The following IL1RAPL2 variants were observed in gnomAD, a reference collection of about 807,000 sequenced individuals.
IL1RAPL2 encodes X-linked interleukin-1 receptor accessory protein-like 2.
IL1RAPL2 carries 3 observed loss-of-function variants against 44.1 expected under a neutral mutation model. The observed-to-expected ratio is 0.07, with a 90% CI of 0.03 to 0.18. IL1RAPL2 has a LOEUF of 0.18. IL1RAPL2 is among the 10% of genes least tolerant of loss of function. The probability of loss-of-function intolerance (pLI) is 1.00; values close to 1 mark genes in which losing one functional copy is unlikely to be tolerated. For synonymous variants in IL1RAPL2, 181 were observed against 178.8 expected (o/e 1.01, Z -0.10); for missense variants, 391 against 496.4 (o/e 0.79, Z 2.02).
chrX:105,349,233 A>G (rs766030797), intron 5 of IL1RAPL2, among the ~76,000 whole-genome samples: 119 of 111,998 alleles, frequency 1.1e-3, no homozygotes, highest in African/African-American at 3.8e-3. Context: ...AAAACTTTGC[A>G]CCAGGCTCAT....
intron 2 of IL1RAPL2, among the ~76,000 whole-genome samples, chrX:105,131,702 T>G (rs748326561): frequency 2.7e-5 from 3 of 110,865 alleles, no homozygotes; most frequent in Admixed American, 1.9e-4. Context: ...AGAAAACAAG[T>G]TAGCTATTCA....
intron 1 of IL1RAPL2, among the ~76,000 whole-genome samples, chrX:104,588,471 TTAG>T (rs1334070422): frequency 9.0e-6 from 1 of 111,602 alleles, no homozygotes; most frequent in African/African-American, 3.3e-5. Flanking sequence ...TTTTTGAAAC[TTAG>T]TAGAAATCTC....
intron 5 of IL1RAPL2, among the ~76,000 whole-genome samples, chrX:105,361,603 G>T (rs377107839): frequency 3.6e-5 from 4 of 111,181 alleles, no homozygotes; most frequent in East Asian, 5.6e-4. Context: ...CACACATTTA[G>T]CTCTGAGATT....
chrX:105,236,100 G>C (rs905259804), intron 4 of IL1RAPL2, among the ~76,000 whole-genome samples: 2 of 112,429 alleles, frequency 1.8e-5, no homozygotes, highest in Admixed American at 1.9e-4. Context: ...GTTGAGGAAG[G>C]GAAGGTGACC....
rs147676354 is a variant in IL1RAPL2 at position 105,320,741 on chromosome X, T to A, written c.697+53200T>A. Among the ~76,000 whole-genome samples the A allele has an allele frequency of 8.0e-5, 9 of 111,817 alleles. No individual in the cohort carries two copies. In the East Asian group the frequency reaches 2.5e-3, roughly 32 times the overall value. On this transcript the variant is annotated intron_variant, in intron 5 of 10. Transcript: ENST00000372582. The stretch of plus-strand genomic sequence containing the variant: ...TTTGAGTGTCTTATGCATGTGTGTA[T>A]GTGTGAATGTGTAGATGTATGAGTG...
intron 2 of IL1RAPL2, among the ~76,000 whole-genome samples, chrX:104,929,019 A>G (rs1924837878): frequency 8.9e-6 from 1 of 111,794 alleles, no homozygotes; most frequent in Non-Finnish European, 1.9e-5. Flanking sequence ...GGAAAAGATA[A>G]TTTGTTCTTA....
chrX:105,622,464 A>T (rs1011727896), intron 6 of IL1RAPL2, among the ~76,000 whole-genome samples: 32 of 110,083 alleles, frequency 2.9e-4, no homozygotes, highest in African/African-American at 1.0e-3. Flanking sequence ...TGTCATTTTC[A>T]TTCTGGGTGT....
At chrX:105,647,179 C>T (rs1305923312) in intron 6 of IL1RAPL2, among the ~76,000 whole-genome samples, 2 of 112,149 alleles carry the variant, frequency 1.8e-5, no homozygotes, top group East Asian at 2.8e-4. Context: ...GGATCAGAAG[C>T]GTAGCGGACA....
chrX:105,320,431 AAGGTGGGGGGAGG>A (rs1277827208), intron 5 of IL1RAPL2, among the ~76,000 whole-genome samples: 2 of 111,953 alleles, frequency 1.8e-5, no homozygotes, highest in Non-Finnish European at 1.9e-5. Context: ...CACATTCAGT[AAGGTGGGGGGAGG>A]AGGAAGACTA....
intron 1 of IL1RAPL2, among the ~76,000 whole-genome samples, chrX:104,594,962 T>A (rs1413649310): frequency 8.9e-6 from 1 of 112,012 alleles, no homozygotes; most frequent in Non-Finnish European, 1.9e-5. Context: ...TGGCTTCGTA[T>A]GGCATGTTGA....
At chrX:104,843,927 T>C (rs1248643775) in intron 2 of IL1RAPL2, among the ~76,000 whole-genome samples, 6 of 111,025 alleles carry the variant, frequency 5.4e-5, no homozygotes, top group African/African-American at 2.0e-4. Flanking sequence ...TGAGAGAATG[T>C]GTGAGATTTA....
intron 2 of IL1RAPL2, among the ~76,000 whole-genome samples, chrX:105,155,044 A>T (rs1226775268): frequency 1.8e-5 from 2 of 111,394 alleles, no homozygotes; most frequent in African/African-American, 6.5e-5. Flanking sequence ...TTGGTAATAT[A>T]TCTCATCCAT....
intron 6 of IL1RAPL2, among the ~76,000 whole-genome samples, chrX:105,511,245 A>G (rs779236958): frequency 2.0e-4 from 22 of 111,718 alleles, no homozygotes; most frequent in Non-Finnish European, 4.0e-4. Flanking sequence ...GGTCATGTTG[A>G]CATAACAATT....
chrX:105,637,365 A>G (rs1457773158), intron 6 of IL1RAPL2, among the ~76,000 whole-genome samples: 2 of 112,030 alleles, frequency 1.8e-5, no homozygotes, highest in African/African-American at 6.5e-5. Flanking sequence ...CTTCTTTGAA[A>G]CTGGAAGACT....
chrX:104,710,630 C>G (rs753716059), intron 2 of IL1RAPL2, among the ~76,000 whole-genome samples: 1 of 111,478 alleles, frequency 9.0e-6, no homozygotes, highest in South Asian at 3.7e-4. Context: ...ATGAATTTCA[C>G]TTCAATACAT....
chrX:105,543,961 TGGG>T (rs2036766864), intron 6 of IL1RAPL2, among the ~76,000 whole-genome samples: 1 of 111,933 alleles, frequency 8.9e-6, no homozygotes, highest in Non-Finnish European at 1.9e-5. Flanking sequence ...AAAAGCTCAC[TGGG>T]ATTTTGATAA....
chrX:105,451,602 C>T (rs189902743), intron 5 of IL1RAPL2, among the ~76,000 whole-genome samples: 2 of 111,817 alleles, frequency 1.8e-5, no homozygotes, highest in Admixed American at 1.9e-4. Flanking sequence ...AGGCATGCCT[C>T]AAGTTTCACC....
intron 3 of IL1RAPL2, chrX:105,220,136 G>A (rs1556179056): frequency 8.3e-7 from 1 of 1,211,670 alleles, no homozygotes; most frequent in Admixed American, 2.2e-5. Context: ...CGCACCCTGT[G>A]CCTTTGTAGC....
chrX:104,946,078 G>C (rs1925338921), intron 2 of IL1RAPL2, among the ~76,000 whole-genome samples: 2 of 109,120 alleles, frequency 1.8e-5, no homozygotes, highest in South Asian at 7.9e-4. Flanking sequence ...TTCCATGCTT[G>C]TGCATCTTCA....
Sources: gnomAD v4.1 joint callset for allele counts (sites outside exome capture counted in the v4.1 genomes callset) on GRCh38, gnomAD v4.1.1 for gene constraint, MANE v1.5 for transcripts, NCBI Gene and HGNC (gene_info 2026-07-23, HGNC 2026-07-21) for gene names.